The following SF3B3 variants were observed in gnomAD, a reference collection of about 807,000 sequenced individuals.
SF3B3 encodes SAP 130.
In SF3B3, 33 loss-of-function variants were observed where a neutral mutation model predicts 139.2. The observed-to-expected ratio is 0.24, with a 90% CI of 0.18 to 0.32. The LOEUF (loss-of-function observed/expected upper bound fraction) is 0.32. SF3B3 is among the 10% of genes least tolerant of loss of function. The pLI, the probability that SF3B3 is intolerant of heterozygous loss-of-function variation, is 1.00. For synonymous variants in SF3B3, 596 were observed against 563.6 expected, an observed-to-expected ratio of 1.06 and a Z score of -0.81; for missense variants, 818 against 1,509.4, an observed-to-expected ratio of 0.54 and a Z score of 7.59.
intron 20 of SF3B3, 170 bp downstream of exon 20, chr16:70,565,694 T>C: frequency 1.6e-6 from 1 of 619,386 alleles, no homozygotes; most frequent in Non-Finnish European, 2.8e-6. Flanking sequence ...TTCTTGTGCC[T>C]GTGCATTCCA....
At chr16:70,566,132 T>G (rs549089713) in intron 20 of SF3B3, among the ~76,000 whole-genome samples, 3 of 151,412 alleles carry the variant, frequency 2.0e-5, no homozygotes, top group Non-Finnish European at 2.9e-5. Context: ...AAAAAAGATT[T>G]AATATTCTTT....
At chr16:70,543,173 C>T (rs1017488992) in intron 9 of SF3B3, among the ~76,000 whole-genome samples, 9 of 151,754 alleles carry the variant, frequency 5.9e-5, no homozygotes, top group Admixed American at 3.9e-4. Context: ...TTTGGGAGGC[C>T]GAGGTGGGCA....
In SF3B3 at chr16:70,526,708, A is replaced by G; in HGVS notation, c.52A>G (p.Ile18Val). 6.2e-7 allele frequency: 1 copy of G among 1,613,844 alleles called. No individual in the cohort carries two copies. Among genetic ancestry groups the G allele is most frequent in the Non-Finnish European group, 8.5e-7 (1 of 1,179,718 alleles). ...GAGAGCCACTGGCATCAGCTTTGCC[A>G]TTCATGGAAACTTTTCTGGTAAGTT... ...LQRATGISFA[I>V]HGNFSGTKQQ... Residue 18 changes from isoleucine (I) to valine (V), a missense_variant, in exon 2 of 26, where the codon ATT becomes GTT. Transcript: ENST00000302516.
chr16:70,558,823 C>A (rs2050402045), intron 15 of SF3B3, among the ~76,000 whole-genome samples: 1 of 152,222 alleles, frequency 6.6e-6, no homozygotes, highest in Non-Finnish European at 1.5e-5. Context: ...TCTTGAACTC[C>A]TGAGCTCAAG....
At chr16:70,560,351 C>G (rs2050417598) in intron 15 of SF3B3, 118 bp from the exon 16 acceptor site, 7 of 1,048,686 alleles carry the variant, frequency 6.7e-6, no homozygotes, top group African/African-American at 1.6e-5. Flanking sequence ...TTTTAAACAC[C>G]CAAGTCATTT....
intron 9 of SF3B3, among the ~76,000 whole-genome samples, chr16:70,543,905 G>C (rs1332818152): frequency 1.3e-5 from 2 of 151,446 alleles, no homozygotes; most frequent in Non-Finnish European, 2.9e-5. Context: ...CCAGGCTAGA[G>C]TGCAGTGGCA....
intron 3 of SF3B3, chr16:70,529,571 G>A (rs2050101171): frequency 4.5e-6 from 1 of 222,386 alleles, no homozygotes; most frequent in Admixed American, 5.3e-5. Context: ...GAAAATTTTT[G>A]TGTGTCTGAT....
chr16:70,550,540 T>C, intron 11 of SF3B3: 2 of 384,186 alleles, frequency 5.2e-6, no homozygotes, highest in Non-Finnish European at 7.1e-6. Context: ...TACTATTGAG[T>C]GAACATTCCT....
intron 5 of SF3B3, 111 bp downstream of exon 5, chr16:70,532,731 G>T: frequency 1.0e-6 from 1 of 992,766 alleles, no homozygotes; most frequent in Non-Finnish European, 1.5e-6. Flanking sequence ...TTGTGAACCT[G>T]AATACCTTAT....
Position 70,573,180 on chromosome 16 carries a change from G to GA in SF3B3, c.*1369dup, listed in dbSNP as rs1384835261. 1 of 152,152 alleles carries GA rather than the reference G, an allele frequency of 6.6e-6. No individual in the cohort carries two copies. The highest frequency in any genetic ancestry group is 1.5e-5 in the Non-Finnish European group (1 of 68,018). 9.4% of individuals were successfully genotyped at this position (152,152 alleles called of 1,614,324 possible). On this transcript the variant is annotated 3_prime_UTR_variant, in exon 26 of 26. Coordinates refer to ENST00000302516, the MANE Select transcript of SF3B3 (RefSeq NM_012426.5). The stretch of plus-strand genomic sequence containing the variant: ...TCAAGAGAGACCCAGGTTTTGCCAG[G>GA]AATCGAATCCCTAAATAACATGTTT...
intron 12 of SF3B3, 38 bp downstream of exon 12, chr16:70,554,635 G>C (rs369020923): frequency 8.3e-5 from 134 of 1,609,420 alleles, no homozygotes; most frequent in Non-Finnish European, 1.1e-4. Context: ...GGCCTGCTTT[G>C]TTCTTTCTTG....
At chr16:70,542,252 G>T (rs2050225976) in intron 9 of SF3B3, among the ~76,000 whole-genome samples, 1 of 152,124 alleles carries the variant, frequency 6.6e-6, no homozygotes, top group Admixed American at 6.6e-5. Flanking sequence ...AAAATAAGTG[G>T]ATTCATATAC....
chr16:70,545,591 GT>G (rs1413363072), intron 10 of SF3B3, among the ~76,000 whole-genome samples: 3 of 152,202 alleles, frequency 2.0e-5, no homozygotes, highest in African/African-American at 7.2e-5. Context: ...TCCTATAACA[GT>G]TTGTTTTGAG....
chr16:70,544,098 A>C (rs1326006012), intron 9 of SF3B3, among the ~76,000 whole-genome samples: 1 of 152,238 alleles, frequency 6.6e-6, no homozygotes, highest in Admixed American at 6.5e-5. Context: ...TGTGGAAAAC[A>C]GATGTGCTTT....
intron 5 of SF3B3, among the ~76,000 whole-genome samples, chr16:70,534,594 C>G (rs980522249): frequency 6.6e-5 from 10 of 152,110 alleles, no homozygotes; most frequent in Admixed American, 5.2e-4. Flanking sequence ...GGTGGAGAAT[C>G]TAGGAGGTGG....
intron 9 of SF3B3, among the ~76,000 whole-genome samples, chr16:70,544,167 A>G (rs1358169713): frequency 6.6e-6 from 1 of 152,192 alleles, no homozygotes; most frequent in Non-Finnish European, 1.5e-5. Context: ...AATTTTTTTT[A>G]GGAGACTGGT....
Position 70,572,857 on chromosome 16 carries a change from C to T in SF3B3, c.*1044C>T, listed in dbSNP as rs1477040802. The stretch of plus-strand genomic sequence containing the variant: ...GTTCCAGAAATGTTCCAGCCCACCC[C>T]TGAGAATTCCTCCTGTTTAGTTGTG... On this transcript the variant is annotated 3_prime_UTR_variant, in exon 26 of 26. Coordinates refer to ENST00000302516, the MANE Select transcript of SF3B3 (RefSeq NM_012426.5). The T allele has an allele frequency of 6.6e-6, 1 of 152,326 alleles. No homozygotes were observed. Among genetic ancestry groups the T allele is most frequent in the Admixed American group, 6.5e-5 (1 of 15,290 alleles). The allele number at this position is 152,326 out of a possible 1,614,324, so 9.4% of individuals were successfully genotyped here.
In SF3B3 at chr16:70,568,962, G is replaced by C. The variant is rs112342324; in HGVS notation, c.3166-81G>C. 68 of 981,746 alleles carry C rather than the reference G, an allele frequency of 6.9e-5. 3 individuals are homozygous for C. Among genetic ancestry groups the C allele is most frequent in the African/African-American group, 6.6e-4 (41 of 62,338 alleles). The allele number at this position is 981,746 out of a possible 1,614,324, so 60.8% of individuals were successfully genotyped here. A position where few individuals can be genotyped will look rare whatever the true frequency, so the allele number is the denominator to read the frequency against. ...AGTGCCCCTGTGGCTGACTTGCAAA[G>C]ACCTGGCCAGACCTGTTGCTTGGTG... On this transcript the variant is annotated intron_variant, in intron 22 of 25. Coordinates refer to ENST00000302516, the MANE Select transcript of SF3B3 (RefSeq NM_012426.5).
chr16:70,524,901 C>G (rs755162273), intron 1 of SF3B3: 2 of 152,030 alleles, frequency 1.3e-5, no homozygotes, highest in Non-Finnish European at 2.9e-5. Flanking sequence ...AGGATGGTCT[C>G]GATCTCCTGA....
Sources: gnomAD v4.1 joint callset for allele counts (sites outside exome capture counted in the v4.1 genomes callset) on GRCh38, gnomAD v4.1.1 for gene constraint, MANE v1.5 for transcripts, NCBI Gene and HGNC (gene_info 2026-07-23, HGNC 2026-07-21) for gene names.